A2ML1: variants seen among roughly 807,000 people sequenced by gnomAD.
A2ML1 encodes alpha-2-macroglobulin like 1, also known as alpha-2-macroglobulin-like protein 1.
A2ML1 carries 161 observed loss-of-function variants against 181.9 expected under a neutral mutation model. That is an observed-to-expected ratio of 0.89 (90% CI 0.78 to 1.01). The LOEUF (loss-of-function observed/expected upper bound fraction) is 1.01. A2ML1 is among the 50% of genes least tolerant of loss of function. A2ML1 has a pLI of 0.00. For missense variants in A2ML1, 1,670 were observed against 1,768.1 expected (o/e 0.94, Z 1.00); for synonymous variants, 663 against 666.8 (o/e 0.99, Z 0.09).
At chr12:8,826,524 T>C (rs1367973442) in intron 3 of A2ML1, among the ~76,000 whole-genome samples, 9 of 152,326 alleles carry the variant, frequency 5.9e-5, no homozygotes, top group Admixed American at 5.9e-4. Context: ...CACTGCTTAC[T>C]GCAACCTCTG....
At chr12:8,869,323 C>T in intron 33 of A2ML1, 120 bp downstream of exon 33, 4 of 967,606 alleles carry the variant, frequency 4.1e-6, no homozygotes, top group Non-Finnish European at 6.4e-6. Context: ...AGTGAGTCCA[C>T]ACCATGCCAT....
Position 8,837,499 on chromosome 12 carries a change from A to G in A2ML1, c.788A>G (p.Asn263Ser), listed in dbSNP as rs774712410. ...CAGGTATCTGTGTGTCAGAAGGCAA[A>G]TACTTACTGGTATCGAGAGGTGGAA... ...AVQVSVCQKA[N>S]TYWYREVERE... The change falls in exon 8 of 36, where the codon AAT (asparagine) becomes AGT (serine). Residue 263 changes from asparagine (N) to serine (S), a missense_variant. Transcript: ENST00000299698. 1.9e-6 allele frequency: 3 copies of G among 1,613,998 alleles called. No individual in the cohort carries two copies. In the East Asian group the frequency reaches 6.7e-5, roughly 36 times the overall value.
downstream of A2ML1, among the ~76,000 whole-genome samples, chr12:8,879,237 A>G (rs764895255): frequency 1.6e-3 from 249 of 152,266 alleles, no homozygotes; most frequent in African/African-American, 5.9e-3. Context: ...CACACCTGTA[A>G]TCCCAGCAGT....
chr12:8,829,454 G>C (rs1239439973), intron 3 of A2ML1, among the ~76,000 whole-genome samples: 1 of 152,110 alleles, frequency 6.6e-6, no homozygotes, highest in Non-Finnish European at 1.5e-5. Context: ...CCTGAGGTCA[G>C]GAGTTCATAG....
At chr12:8,834,556 G>A in intron 4 of A2ML1, 106 bp from the exon 5 acceptor site, 1 of 1,371,368 alleles carries the variant, frequency 7.3e-7, no homozygotes, top group Non-Finnish European at 1.0e-6. Flanking sequence ...ATGAAGAAAT[G>A]GGCAAGAGGG....
chr12:8,844,837 C>A (rs1943610899), intron 12 of A2ML1: 1 of 301,922 alleles, frequency 3.3e-6, no homozygotes, highest in Non-Finnish European at 5.5e-6. Flanking sequence ...TAGGGCCGAG[C>A]CACGTGGAAT....
intron 4 of A2ML1, among the ~76,000 whole-genome samples, chr12:8,833,944 TA>T (rs1193833020): frequency 2.0e-5 from 3 of 152,118 alleles, no homozygotes; most frequent in African/African-American, 4.8e-5. Context: ...GGCCCAAGAA[TA>T]AAAAAATCAA....
intron 29 of A2ML1, among the ~76,000 whole-genome samples, chr12:8,865,800 A>G (rs1347639021): frequency 6.6e-6 from 1 of 152,226 alleles, no homozygotes; most frequent in East Asian, 1.9e-4. Flanking sequence ...TAATGAAGAG[A>G]GTAGTCATTA....
intron 17 of A2ML1, 98 bp from the exon 18 acceptor site, chr12:8,850,062 T>C: frequency 1.1e-6 from 1 of 920,130 alleles, no homozygotes; most frequent in Non-Finnish European, 1.7e-6. Flanking sequence ...GTTCTCTGCT[T>C]CCCTCTAAAT....
exon 8 of A2ML1, chr12:8,886,612 C>T (rs73047872): frequency 0.032 from 4,875 of 152,266 alleles, 99 homozygotes; most frequent in Non-Finnish European, 0.049. Context: ...AAGACAGAAG[C>T]ATTTATTCCT....
At position 8,854,190 on chromosome 12, in the gene A2ML1, A is replaced by G. The variant is rs1943983563; in HGVS notation, c.2653A>G (p.Lys885Glu). The change falls in exon 21 of 36, where the codon AAG (lysine) becomes GAG (glutamate). Residue 885 changes from lysine (K) to glutamate (E), a missense_variant. By Grantham distance (56) the Lys-to-Glu change is moderately conservative. Coordinates refer to ENST00000299698, the MANE Select transcript of A2ML1 (RefSeq NM_144670.6). ...CAGCAATGAACCATGTGGGGGCCAGAAGGGGTTTGTTCCCCAAAAGGGCCG... is the reference window on the plus strand; with the variant it reads ...CAGCAATGAACCATGTGGGGGCCAGGAGGGGTTTGTTCCCCAAAAGGGCCG... The part of the protein sequence containing the change: ...LDSNEPCGGQ[K>E]GFVPQKGRSD... 4 of 1,609,708 alleles carry G rather than the reference A, an allele frequency of 2.5e-6. No homozygotes were observed. Among genetic ancestry groups the G allele is most frequent in the Non-Finnish European group, 3.4e-6 (4 of 1,177,766 alleles).
chr12:8,879,527 C>A (rs918189523), downstream of A2ML1, among the ~76,000 whole-genome samples: 5 of 152,028 alleles, frequency 3.3e-5, no homozygotes, highest in African/African-American at 1.2e-4. Context: ...TCATGAAAGC[C>A]CCTTCCACTC....
At chr12:8,830,491 A>G (rs1023061839) in intron 4 of A2ML1, among the ~76,000 whole-genome samples, 14 of 152,208 alleles carry the variant, frequency 9.2e-5, no homozygotes, top group Admixed American at 7.9e-4. Flanking sequence ...AAAGTAGGTA[A>G]TTCTCTTAGG....
intron 3 of A2ML1, among the ~76,000 whole-genome samples, chr12:8,826,529 C>A (rs1942934708): frequency 6.6e-6 from 1 of 152,146 alleles, no homozygotes; most frequent in South Asian, 2.1e-4. Context: ...CTTACTGCAA[C>A]CTCTGCCTCC....
chr12:8,866,114 G>A (rs1031661303), intron 29 of A2ML1, among the ~76,000 whole-genome samples: 1 of 151,838 alleles, frequency 6.6e-6, no homozygotes, highest in African/African-American at 2.4e-5. Flanking sequence ...TCAGGAGATC[G>A]AGACCACGGT....
At chr12:8,860,456 A>C (rs1331152844) in intron 26 of A2ML1, among the ~76,000 whole-genome samples, 1 of 152,210 alleles carries the variant, frequency 6.6e-6, no homozygotes, top group Non-Finnish European at 1.5e-5. Context: ...GGCGATAAGC[A>C]GGGAAGGTCT....
intron 12 of A2ML1, among the ~76,000 whole-genome samples, chr12:8,843,878 C>T (rs1943577313): frequency 6.6e-6 from 1 of 152,014 alleles, no homozygotes; most frequent in Admixed American, 6.6e-5. Flanking sequence ...GCCACCACGC[C>T]CAGCTAATTT....
chr12:8,823,133 C>T (rs969353289), intron 1 of A2ML1, 49 bp from the exon 2 acceptor site: 22 of 1,570,570 alleles, frequency 1.4e-5, no homozygotes, highest in South Asian at 3.5e-5. Context: ...CTGGATTTTT[C>T]GAGTGAATGA....
chr12:8,874,971 A>T lies in A2ML1; in HGVS notation c.4325A>T (p.Asp1442Val). ...TAATATGACTTATTTCATTTCACAG[A>T]TGAACAGGCAACAATTCAGTATTCT... ...TIKVYDYYLP[D>V]EQATIQYSDP... is the part of the protein sequence containing the mutation. The change falls in exon 35 of 36, where the codon GAT (aspartate) becomes GTT (valine). Residue 1442 changes from aspartate (D) to valine (V), a missense_variant and splice_region_variant. Asp to Val is a radical substitution (Grantham distance 152). Transcript: ENST00000299698. The T allele has an allele frequency of 6.2e-7, 1 of 1,614,130 alleles. No homozygotes were observed. The highest frequency in any genetic ancestry group is 8.5e-7 in the Non-Finnish European group (1 of 1,179,994).
Sources: gnomAD v4.1 joint callset for allele counts (sites outside exome capture counted in the v4.1 genomes callset) on GRCh38, gnomAD v4.1.1 for gene constraint, MANE v1.5 for transcripts, NCBI Gene and HGNC (gene_info 2026-07-23, HGNC 2026-07-21) for gene names.